Variants in LDB2 observed in about 807,000 individuals in gnomAD.
LDB2 encodes the protein LIM domain-binding protein 2.
LDB2 carries 12 observed loss-of-function variants against 44.3 expected under a neutral mutation model. The ratio of observed to expected loss-of-function variants is 0.27; its 90% confidence interval spans 0.17 to 0.44. LDB2 has a LOEUF of 0.44. LDB2 is among the 20% of genes least tolerant of loss of function. The pLI, the probability that LDB2 is intolerant of heterozygous loss-of-function variation, is 1.00. For missense variants in LDB2, 344 were observed against 473.5 expected (o/e 0.73, Z 2.54); for synonymous variants, 164 against 174.8 (o/e 0.94, Z 0.49).
chr4:16,874,049 G>A (rs955061908), intron 1 of LDB2, among the ~76,000 whole-genome samples: 4 of 152,008 alleles, frequency 2.6e-5, no homozygotes, highest in Admixed American at 6.6e-5. Flanking sequence ...TCCAGTCATC[G>A]CTTAACAGAC....
intron 2 of LDB2, among the ~76,000 whole-genome samples, chr4:16,683,865 C>G (rs1388744776): frequency 6.6e-6 from 1 of 152,166 alleles, no homozygotes; most frequent in South Asian, 2.1e-4. Flanking sequence ...TCCTGTGGCC[C>G]CATCACCTGC....
At chr4:16,670,679 G>A (rs1284572751) in intron 2 of LDB2, among the ~76,000 whole-genome samples, 2 of 152,198 alleles carry the variant, frequency 1.3e-5, no homozygotes, top group South Asian at 4.1e-4. Flanking sequence ...TGCCTGCATG[G>A]CCTTGGGCAA....
At chr4:16,558,057 C>T (rs1740443255) in intron 5 of LDB2, among the ~76,000 whole-genome samples, 1 of 152,128 alleles carries the variant, frequency 6.6e-6, no homozygotes, top group Admixed American at 6.5e-5. Flanking sequence ...ACACCAAAAA[C>T]CCATCTGTAC....
intron 4 of LDB2, among the ~76,000 whole-genome samples, chr4:16,586,512 ACACACACACACAC>A (rs1293406633): frequency 8.5e-5 from 7 of 82,454 alleles, no homozygotes; most frequent in South Asian, 8.3e-4. Context: ...ACACACACAC[ACACACACACACAC>A]AAAACACACA....
intron 2 of LDB2, among the ~76,000 whole-genome samples, chr4:16,623,432 T>C (rs2152484059): frequency 6.6e-6 from 1 of 152,174 alleles, no homozygotes; most frequent in South Asian, 2.1e-4. Flanking sequence ...ACCCCATCTC[T>C]ACTGAAAATA....
Position 16,739,671 on chromosome 4 carries a change from CATATGTGTGTATATATGTATATATACAT to C in LDB2, c.235+19459_235+19486del, listed in dbSNP as rs1762732480. Among the ~76,000 whole-genome samples, 4 of 51,638 alleles carry C rather than the reference CATATGTGTGTATATATGTATATATACAT, an allele frequency of 7.7e-5. 1 individual carries two copies. Among genetic ancestry groups the C allele is most frequent in the African/African-American group, 3.0e-4 (3 of 9,864 alleles). 33.9% of individuals were successfully genotyped at this position (51,638 alleles called of 152,430 possible). On this transcript the variant is annotated intron_variant, in intron 2 of 7. Transcript: ENST00000304523. ...ATATGTGTGTATATATGTATATATA[CATATGTGTGTATATATGTATATATACAT>C]ATATGTGTATATATGTATATATACA...
intron 2 of LDB2, among the ~76,000 whole-genome samples, chr4:16,755,346 G>A (rs1354359984): frequency 6.6e-6 from 1 of 152,138 alleles, no homozygotes; most frequent in Non-Finnish European, 1.5e-5. Flanking sequence ...CTGATCCCTG[G>A]CTTTCTTTGT....
chr4:16,598,507 A>G (rs117781787), intron 2 of LDB2, among the ~76,000 whole-genome samples: 2,216 of 152,300 alleles, frequency 0.015, 32 homozygotes, highest in South Asian at 0.047. Flanking sequence ...AGCAGAGATG[A>G]GCTGTCCCTG....
At chr4:16,534,469 C>T (rs971008892) in intron 5 of LDB2, among the ~76,000 whole-genome samples, 7 of 152,094 alleles carry the variant, frequency 4.6e-5, no homozygotes, top group Non-Finnish European at 5.9e-5. Context: ...AAGGGAAGCG[C>T]GTGTTTTATC....
At chr4:16,812,451 G>A (rs1240204435) in intron 1 of LDB2, among the ~76,000 whole-genome samples, 1 of 151,824 alleles carries the variant, frequency 6.6e-6, no homozygotes, top group Non-Finnish European at 1.5e-5. Flanking sequence ...AATCTGATAA[G>A]GTCATCTGTC....
chr4:16,564,632 T>G (rs1293414363), intron 5 of LDB2, among the ~76,000 whole-genome samples: 1 of 152,228 alleles, frequency 6.6e-6, no homozygotes, highest in East Asian at 1.9e-4. Flanking sequence ...GGGATCTTTC[T>G]TTCAACAGCT....
At chr4:16,509,344 GA>G (rs967298409) in intron 6 of LDB2, among the ~76,000 whole-genome samples, 3 of 152,072 alleles carry the variant, frequency 2.0e-5, no homozygotes, top group Admixed American at 1.3e-4. Flanking sequence ...AAAATTGCTA[GA>G]AAAAAATATG....
intron 1 of LDB2, among the ~76,000 whole-genome samples, chr4:16,877,595 C>G (rs952931434): frequency 3.3e-5 from 5 of 152,290 alleles, no homozygotes; most frequent in African/African-American, 1.2e-4. Context: ...ACAGAGAAAT[C>G]AATTACTTTC....
intron 1 of LDB2, among the ~76,000 whole-genome samples, chr4:16,875,569 C>A (rs190454421): frequency 6.6e-6 from 1 of 152,174 alleles, no homozygotes; most frequent in East Asian, 1.9e-4. Flanking sequence ...AGAAAAATTT[C>A]TTCCAATTTT....
At chr4:16,588,911 G>C in intron 3 of LDB2, 79 bp from the exon 4 acceptor site, 1 of 1,518,920 alleles carries the variant, frequency 6.6e-7, no homozygotes, top group Non-Finnish European at 9.1e-7. Flanking sequence ...GCCACTCAGC[G>C]TGGTCTCCCT....
chr4:16,773,349 T>A (rs1771127316), intron 1 of LDB2, among the ~76,000 whole-genome samples: 1 of 152,316 alleles, frequency 6.6e-6, no homozygotes, highest in Non-Finnish European at 1.5e-5. Context: ...TACATTCTAA[T>A]ATATAATTAA....
intron 1 of LDB2, among the ~76,000 whole-genome samples, chr4:16,876,779 A>C (rs1718520095): frequency 6.6e-6 from 1 of 152,106 alleles, no homozygotes; most frequent in East Asian, 1.9e-4. Flanking sequence ...AAACAAGGCT[A>C]TTTCTAGAAA....
intron 1 of LDB2, among the ~76,000 whole-genome samples, chr4:16,836,228 T>C (rs1784865120): frequency 1.3e-5 from 2 of 152,236 alleles, no homozygotes; most frequent in African/African-American, 2.4e-5. Flanking sequence ...CATTCCACTA[T>C]TGGCCTCATC....
rs973223987 is a variant in LDB2, at chr4:16,898,602, C to G, written c.-117G>C. 2 of 934,684 alleles carry G rather than the reference C, an allele frequency of 2.1e-6. No homozygotes were observed. Among genetic ancestry groups the G allele is most frequent in the Admixed American group, 2.5e-5 (1 of 40,434 alleles). The allele number at this position is 934,684 out of a possible 1,614,324, so 57.9% of individuals were successfully genotyped here. A position where few individuals can be genotyped will look rare whatever the true frequency, so the allele number is the denominator to read the frequency against. On this transcript the variant is annotated 5_prime_UTR_variant, in exon 1 of 8. Transcript: ENST00000304523. ...GCACGCACACACGCTCACACACACA[C>G]AGAGGCAGGCAGGCAGGCAGGCTGA...
Sources: allele counts gnomAD v4.1 joint callset (sites outside exome capture counted in the v4.1 genomes callset), GRCh38; gene constraint gnomAD v4.1.1; transcripts MANE v1.5; gene names NCBI Gene and HGNC (gene_info 2026-07-23, HGNC 2026-07-21).